UBR3: variants seen among roughly 807,000 people sequenced by gnomAD.
UBR3 encodes E3 ubiquitin-protein ligase UBR3.
A neutral mutation model predicts 243.2 loss-of-function variants in UBR3; 85 were observed. The observed-to-expected ratio is 0.35, with a 90% CI of 0.29 to 0.42. UBR3 has a LOEUF of 0.42. Among genes scored for constraint, UBR3 ranks in the 10% least tolerant of loss-of-function variants. UBR3 has a pLI of 1.00. For synonymous variants in UBR3, 748 were observed against 799.8 expected (o/e 0.94, Z 1.09); for missense variants, 1,686 against 2,300.8 (o/e 0.73, Z 5.47).
intron 23 of UBR3, among the ~76,000 whole-genome samples, chr2:169,957,308 T>A (rs1215886909): frequency 2.6e-5 from 4 of 151,960 alleles, no homozygotes. Context: ...ATTAAAATAT[T>A]CTTTGGATGT....
At chr2:169,945,664 A>G (rs1017912494) in intron 20 of UBR3, among the ~76,000 whole-genome samples, 4 of 152,178 alleles carry the variant, frequency 2.6e-5, no homozygotes, top group Non-Finnish European at 4.4e-5. Flanking sequence ...TATTTTAGGT[A>G]TCTTCTGGTT....
At chr2:170,035,912 G>GT (rs556755707) in intron 31 of UBR3, among the ~76,000 whole-genome samples, 3 of 136,936 alleles carry the variant, frequency 2.2e-5, no homozygotes, top group Non-Finnish European at 4.7e-5. Flanking sequence ...TATTTTATTG[G>GT]GGGGGGGGTT....
chr2:169,894,569 T>G (rs576162764), intron 6 of UBR3, among the ~76,000 whole-genome samples: 12 of 152,268 alleles, frequency 7.9e-5, no homozygotes, highest in Non-Finnish European at 1.3e-4. Context: ...GATTCAAGCC[T>G]TAGTAAATGC....
intron 36 of UBR3, chr2:170,077,932 C>T (rs2091843959): frequency 5.6e-6 from 3 of 535,022 alleles, no homozygotes; most frequent in South Asian, 3.5e-5. Context: ...GGGCAAGTTA[C>T]ATTTAGACAG....
Position 170,073,721 on chromosome 2 carries a change from TGATTA to T in UBR3, c.5199+115_5199+119del, listed in dbSNP as rs2091748710. 1.6e-5 allele frequency: 18 copies of T among 1,097,608 alleles called. No homozygotes were observed. The South Asian group carries it at 3.1e-4, about 19-fold the overall frequency. The allele number at this position is 1,097,608 out of a possible 1,614,324, so 68.0% of individuals were successfully genotyped here. ...TGTTTTTGACAGCAATTATAAAACT[TGATTA>T]AATTGAAAAAATTGTTTACTTATGT... On this transcript the variant is annotated intron_variant, in intron 36 of 38. Transcript: ENST00000272793.
At chr2:170,074,506 C>CA (rs1253262103) in intron 36 of UBR3, among the ~76,000 whole-genome samples, 1 of 152,128 alleles carries the variant, frequency 6.6e-6, no homozygotes, top group Non-Finnish European at 1.5e-5. Context: ...GCCTTTCCAT[C>CA]TCATCGTATA....
intron 24 of UBR3, among the ~76,000 whole-genome samples, chr2:169,968,768 T>C (rs1419619668): frequency 6.6e-6 from 1 of 152,228 alleles, no homozygotes; most frequent in Non-Finnish European, 1.5e-5. Context: ...ACCTCCATAC[T>C]GTTTTTCATA....
chr2:169,999,475 A>T (rs1251729358), intron 26 of UBR3, among the ~76,000 whole-genome samples: 1 of 152,244 alleles, frequency 6.6e-6, no homozygotes, highest in African/African-American at 2.4e-5. Flanking sequence ...TTTAAAGATC[A>T]TTGGTCATCT....
chr2:170,051,152 T>C (rs1469092206), intron 32 of UBR3, among the ~76,000 whole-genome samples: 1 of 152,076 alleles, frequency 6.6e-6, no homozygotes, highest in Non-Finnish European at 1.5e-5. Flanking sequence ...TTCCAAATAC[T>C]TTTGAGCCAT....
chr2:169,887,879 C>T (rs1473765607), intron 5 of UBR3, among the ~76,000 whole-genome samples: 1 of 151,402 alleles, frequency 6.6e-6, no homozygotes, highest in Non-Finnish European at 1.5e-5. Context: ...CGGGTTCAAC[C>T]TATTCTCCTG....
At chr2:169,875,216 T>C (rs1305497911) in intron 2 of UBR3, among the ~76,000 whole-genome samples, 1 of 152,194 alleles carries the variant, frequency 6.6e-6, no homozygotes, top group Non-Finnish European at 1.5e-5. Context: ...TTATATCTTG[T>C]TTTATTCTAG....
intron 35 of UBR3, among the ~76,000 whole-genome samples, chr2:170,072,578 TAAA>T (rs2091723485): frequency 6.6e-6 from 1 of 151,768 alleles, no homozygotes; most frequent in Admixed American, 6.6e-5. Flanking sequence ...ATAATAATAA[TAAA>T]ATTTAAAAAA....
intron 36 of UBR3, among the ~76,000 whole-genome samples, chr2:170,074,629 A>G (rs2091767588): frequency 6.6e-6 from 1 of 152,024 alleles, no homozygotes; most frequent in Non-Finnish European, 1.5e-5. Flanking sequence ...CAACCTTCCT[A>G]CCCTTCTGTT....
rs576588092 is a variant in UBR3, at chr2:170,003,702, G to A, written c.4029+2288G>A. Among the ~76,000 whole-genome samples, 24 of 151,928 alleles carry A rather than the reference G, an allele frequency of 1.6e-4. 1 individual carries two copies. In the Middle Eastern group the frequency reaches 0.01, roughly 65 times the overall value. On this transcript the variant is annotated intron_variant, in intron 27 of 38. Coordinates refer to ENST00000272793, the MANE Select transcript of UBR3 (RefSeq NM_172070.4). ...TGTGCCCAGGCTGGAGTGCAGTGGCGCGATCTCGGCTCACTGCAAGCTCCG... is the reference window on the plus strand; with the variant it reads ...TGTGCCCAGGCTGGAGTGCAGTGGCACGATCTCGGCTCACTGCAAGCTCCG...
chr2:169,846,247 T>A (rs1404040879), intron 1 of UBR3, among the ~76,000 whole-genome samples: 3 of 152,214 alleles, frequency 2.0e-5, no homozygotes, highest in African/African-American at 7.2e-5. Context: ...TTGTTAGGTA[T>A]ACACTTAGGA....
intron 32 of UBR3, among the ~76,000 whole-genome samples, chr2:170,049,588 T>C (rs1283532337): frequency 1.3e-5 from 2 of 152,220 alleles, no homozygotes; most frequent in East Asian, 1.9e-4. Flanking sequence ...GTTTTTAAGA[T>C]AGGAGAATTG....
At chr2:169,993,097 C>A (rs962558916) in intron 25 of UBR3, among the ~76,000 whole-genome samples, 3 of 152,132 alleles carry the variant, frequency 2.0e-5, no homozygotes, top group South Asian at 2.1e-4. Flanking sequence ...GTACCATTAT[C>A]ATTCCTAAGA....
chr2:170,068,058 C>T (rs985372712), intron 35 of UBR3, among the ~76,000 whole-genome samples: 1 of 151,992 alleles, frequency 6.6e-6, no homozygotes, highest in African/African-American at 2.4e-5. Flanking sequence ...GCATGAGCCA[C>T]CTCACCCAGC....
intron 2 of UBR3, among the ~76,000 whole-genome samples, chr2:169,874,922 C>T (rs560048996): frequency 6.6e-6 from 1 of 152,174 alleles, no homozygotes; most frequent in Admixed American, 6.5e-5. Flanking sequence ...TCATTTCCTT[C>T]CTTTTAGACC....
Sources: gnomAD v4.1 joint callset for allele counts (sites outside exome capture counted in the v4.1 genomes callset) on GRCh38, gnomAD v4.1.1 for gene constraint, MANE v1.5 for transcripts, NCBI Gene and HGNC (gene_info 2026-07-23, HGNC 2026-07-21) for gene names.